Variants in COL4A1 observed in about 807,000 individuals in gnomAD.
The protein encoded by COL4A1 is collagen type IV alpha 1 chain, also known as collagen alpha-1(IV) chain.
In COL4A1, 40 loss-of-function variants were observed where a neutral mutation model predicts 216.6. The observed-to-expected ratio is 0.18, with a 90% confidence interval of 0.14 to 0.24. COL4A1 has a LOEUF of 0.24. COL4A1 is among the 10% of genes least tolerant of loss of function. The probability of loss-of-function intolerance (pLI) is 1.00; values close to 1 mark genes in which losing one functional copy is unlikely to be tolerated. For synonymous variants in COL4A1, 839 were observed against 810.7 expected (o/e 1.03, Z -0.59); for missense variants, 1,628 against 2,196.8 (o/e 0.74, Z 5.18).
intron 2 of COL4A1, among the ~76,000 whole-genome samples, chr13:110,217,370 G>A (rs1446959401): frequency 3.3e-5 from 5 of 152,270 alleles, no homozygotes; most frequent in South Asian, 2.1e-4. Flanking sequence ...TGCTACTAAC[G>A]TGACCACAGT....
chr13:110,199,808 T>C (rs1165609261), intron 20 of COL4A1, among the ~76,000 whole-genome samples: 1 of 152,144 alleles, frequency 6.6e-6, no homozygotes, highest in African/African-American at 2.4e-5. Flanking sequence ...TAAAAGGCTG[T>C]AGACAGTAAA....
intron 1 of COL4A1, among the ~76,000 whole-genome samples, chr13:110,282,208 A>C (rs1355506027): frequency 1.3e-5 from 2 of 152,254 alleles, no homozygotes; most frequent in Non-Finnish European, 2.9e-5. Flanking sequence ...GGATTCAGAC[A>C]GACCTGAGTT....
At chr13:110,196,104 G>A (rs1359603735) in intron 21 of COL4A1, among the ~76,000 whole-genome samples, 7 of 152,216 alleles carry the variant, frequency 4.6e-5, no homozygotes, top group African/African-American at 9.6e-5. Context: ...TGATGACTTG[G>A]TTTAGAGCTC....
At chr13:110,301,691 C>T (rs1286904042) in intron 1 of COL4A1, among the ~76,000 whole-genome samples, 1 of 152,152 alleles carries the variant, frequency 6.6e-6, no homozygotes, top group Admixed American at 6.5e-5. Flanking sequence ...CAGTGGAATG[C>T]GTGCTAGCCG....
At chr13:110,203,976 A>C (rs1879368672) in intron 17 of COL4A1, among the ~76,000 whole-genome samples, 1 of 152,242 alleles carries the variant, frequency 6.6e-6, no homozygotes. Context: ...GAAATAAAAT[A>C]ATATAAAAGC....
chr13:110,161,011 C>A (rs1050878150), intron 49 of COL4A1, 181 bp downstream of exon 49: 2 of 750,038 alleles, frequency 2.7e-6, no homozygotes, highest in Non-Finnish European at 4.3e-6. Flanking sequence ...GCCCAGCCAA[C>A]TGACTTTTAT....
At chr13:110,203,542 C>A in intron 18 of COL4A1, 24 bp downstream of exon 18, 1 of 1,613,814 alleles carries the variant, frequency 6.2e-7, no homozygotes. Context: ...CTCTCACAGA[C>A]CCAGGGACAG....
intron 1 of COL4A1, chr13:110,298,715 T>C (rs1672636646): frequency 6.6e-6 from 1 of 152,236 alleles, no homozygotes; most frequent in Non-Finnish European, 1.5e-5. Flanking sequence ...AGAGGACCCA[T>C]GTTCAGAGTC....
chr13:110,165,356 G>A (rs997564111), intron 45 of COL4A1, among the ~76,000 whole-genome samples: 1 of 152,072 alleles, frequency 6.6e-6, no homozygotes, highest in Non-Finnish European at 1.5e-5. Flanking sequence ...GCCACTCTGC[G>A]ATTAGGACAT....
At chr13:110,178,789 T>A in intron 31 of COL4A1, 134 bp downstream of exon 31, 1 of 711,348 alleles carries the variant, frequency 1.4e-6, no homozygotes, top group Non-Finnish European at 2.4e-6. Flanking sequence ...TTTCACAAAC[T>A]CGAGTTTTAT....
In COL4A1 at chr13:110,183,028, G is replaced by A; in HGVS notation, c.2060C>T (p.Pro687Leu). ...GGGGGGCCCTGGAAATCCAATGCCT[G>A]GCTGGCCCACAGCGCCCTTCTCTCC... Reference protein sequence around the residue: ...LPGEKGAVGQPGIGFPGPPGP... With the variant: ...LPGEKGAVGQLGIGFPGPPGP... Residue 687 changes from proline (P) to leucine (L), a missense_variant, in exon 28 of 52, where the codon CCA becomes CTA. Physicochemically the swap from Pro to Leu is moderately conservative, Grantham distance 98 (BLOSUM62 -3). Transcript: ENST00000375820. 6.2e-7 allele frequency: 1 copy of A among 1,613,342 alleles called. No homozygotes were observed. The highest frequency in any genetic ancestry group is 8.5e-7 in the Non-Finnish European group (1 of 1,179,908).
In COL4A1 at chr13:110,152,458, C is replaced by T. The variant is rs1277341645; in HGVS notation, c.4804G>A (p.Gly1602Ser). The T allele has an allele frequency of 1.2e-6, 2 of 1,613,892 alleles. No individual in the cohort carries two copies. The highest frequency in any genetic ancestry group is 1.3e-5 in the African/African-American group (1 of 74,920). ...CTTCTAAACTCCTCCAGGCAGGAGC[C>T]GGGGGACGCCAGGGCTTGGCCAGAG... The part of the protein sequence containing the change: ...EGSGQALASP[G>S]SCLEEFRSAP... Residue 1602 changes from glycine (G) to serine (S), a missense_variant, in exon 51 of 52, where the codon GGC becomes AGC. By Grantham distance (56) the Gly-to-Ser change is moderately conservative. This residue lies in a region of COL4A1 where 254 missense variants were observed against 300.1 expected (regional missense o/e 0.85). Transcript: ENST00000375820.
At chr13:110,188,382 C>A (rs182986883) in intron 24 of COL4A1, among the ~76,000 whole-genome samples, 132 of 152,330 alleles carry the variant, frequency 8.7e-4, no homozygotes, top group African/African-American at 3.0e-3. Context: ...AAGGACAGAC[C>A]AACATTTGCC....
At chr13:110,282,092 A>G (rs1232455792) in intron 1 of COL4A1, among the ~76,000 whole-genome samples, 1 of 152,062 alleles carries the variant, frequency 6.6e-6, no homozygotes, top group Non-Finnish European at 1.5e-5. Flanking sequence ...CCAATTACTC[A>G]CCAGTTTCTA....
At chr13:110,271,071 C>T (rs576929249) in intron 1 of COL4A1, among the ~76,000 whole-genome samples, 1 of 152,154 alleles carries the variant, frequency 6.6e-6, no homozygotes, top group African/African-American at 2.4e-5. Flanking sequence ...AAATGGATTA[C>T]AATTCATAGA....
chr13:110,218,292 A>G (rs1287940674), intron 2 of COL4A1, among the ~76,000 whole-genome samples: 1 of 152,138 alleles, frequency 6.6e-6, no homozygotes, highest in Non-Finnish European at 1.5e-5. Context: ...AAATATTAGG[A>G]TCACGGATCT....
At chr13:110,224,001 C>T (rs573278270) in intron 2 of COL4A1, among the ~76,000 whole-genome samples, 7 of 152,144 alleles carry the variant, frequency 4.6e-5, no homozygotes, top group Admixed American at 3.3e-4. Context: ...TTGGATTTTA[C>T]TTACTCCATT....
In COL4A1 at chr13:110,192,910, T is replaced by C. The variant is rs750386918; in HGVS notation, c.1385A>G (p.Gln462Arg). ...ACAGATGAGGCAACTCTCTCCTTTT[T>C]GACCTAAAAAAGAAAACACAAAGGT... ...GFIGEIGEKG[Q>R]KGESCLICDI... Residue 462 changes from glutamine (Q) to arginine (R), a missense_variant, in exon 23 of 52, where the codon CAA becomes CGA. Physicochemically the swap from Gln to Arg is conservative, Grantham distance 43. This residue lies in a region of COL4A1 where 701 missense variants were observed against 892.5 expected (regional missense o/e 0.79). Coordinates refer to ENST00000375820, the MANE Select transcript of COL4A1 (RefSeq NM_001845.6). The C allele has an allele frequency of 1.7e-5, 27 of 1,614,050 alleles. No homozygotes were observed. The East Asian group carries it at 5.8e-4, about 35-fold the overall frequency.
intron 29 of COL4A1, among the ~76,000 whole-genome samples, chr13:110,180,617 A>C (rs1878104009): frequency 1.3e-5 from 2 of 152,266 alleles, no homozygotes; most frequent in South Asian, 2.1e-4. Context: ...GAAAGGATCT[A>C]ATCGGTAGTC....
Sources: allele counts gnomAD v4.1 joint callset (sites outside exome capture counted in the v4.1 genomes callset), GRCh38; gene constraint gnomAD v4.1.1; regional missense constraint gnomAD v4.1.1; transcripts MANE v1.5; gene names NCBI Gene and HGNC (gene_info 2026-07-23, HGNC 2026-07-21).